The following CCAR1 variants were observed in gnomAD, a reference collection of about 807,000 sequenced individuals.
CCAR1 encodes the protein cell division cycle and apoptosis regulator protein 1.
A neutral mutation model predicts 163.8 loss-of-function variants in CCAR1; 78 were observed. The ratio of observed to expected loss-of-function variants is 0.48; its 90% CI spans 0.40 to 0.57. The LOEUF is 0.57. Among genes scored for constraint, CCAR1 ranks in the 20% least tolerant of loss-of-function variants. The probability of loss-of-function intolerance (pLI) is 0.00; values close to 1 mark genes in which losing one functional copy is unlikely to be tolerated. For synonymous variants in CCAR1, 443 were observed against 460.7 expected (o/e 0.96, Z 0.49); for missense variants, 1,019 against 1,365.2 (o/e 0.75, Z 4.00).
intron 6 of CCAR1, among the ~76,000 whole-genome samples, chr10:68,744,880 C>T (rs2056231694): frequency 6.6e-6 from 1 of 150,860 alleles, no homozygotes; most frequent in South Asian, 2.1e-4. Flanking sequence ...TGCTTTATCA[C>T]CCAGGCTGGA....
chr10:68,755,886 G>A (rs2056392647), intron 13 of CCAR1, among the ~76,000 whole-genome samples: 1 of 152,154 alleles, frequency 6.6e-6, no homozygotes, highest in African/African-American at 2.4e-5. Flanking sequence ...TGATGTAGTT[G>A]CGATTATTTT....
intron 2 of CCAR1, among the ~76,000 whole-genome samples, chr10:68,730,160 T>C (rs2056016174): frequency 6.6e-6 from 1 of 151,874 alleles, no homozygotes; most frequent in Non-Finnish European, 1.5e-5. Context: ...AACCCCCTGA[T>C]CCACCCGTGT....
In CCAR1 at chr10:68,786,141, G is replaced by A. The variant is rs1055574495; in HGVS notation, c.2656G>A (p.Asp886Asn). ...EEAEDEEDDR[D>N]EEEMTKRDDK... ...CTGTTATATTTATTTTACAGATAGGGATGAGGAAGAAATGACCAAACGAGA... is the reference window on the plus strand; with the variant it reads ...CTGTTATATTTATTTTACAGATAGGAATGAGGAAGAAATGACCAAACGAGA... The change falls in exon 20 of 25, where the codon GAT (aspartate) becomes AAT (asparagine). Residue 886 changes from aspartate to asparagine, a missense_variant. Around this residue, in one of 4 missense-constraint regions of CCAR1, gnomAD observed 358 missense variants for 406.4 expected, o/e 0.88. Coordinates refer to ENST00000265872, the MANE Select transcript of CCAR1 (RefSeq NM_018237.4). 3.1e-6 allele frequency: 5 copies of A among 1,608,140 alleles called. No individual in the cohort carries two copies. The highest frequency in any genetic ancestry group is 4.5e-5 in the East Asian group (2 of 44,822).
intron 18 of CCAR1, among the ~76,000 whole-genome samples, chr10:68,771,660 A>G (rs749664416): frequency 2.0e-5 from 3 of 151,994 alleles, no homozygotes; most frequent in Admixed American, 6.6e-5. Context: ...GCACATGCCT[A>G]TAGTCCTAGC....
chr10:68,745,900 G>A (rs2056247380), intron 6 of CCAR1, among the ~76,000 whole-genome samples: 1 of 152,066 alleles, frequency 6.6e-6, no homozygotes, highest in South Asian at 2.1e-4. Flanking sequence ...GATTTTTAAA[G>A]TTATGGCGTT....
Position 68,736,970 on chromosome 10 carries a change from A to C in CCAR1, c.168A>C (p.Gln56His). 6.2e-7 allele frequency: 1 copy of C among 1,614,000 alleles called. No homozygotes were observed. Among genetic ancestry groups the C allele is most frequent in the Non-Finnish European group, 8.5e-7 (1 of 1,179,938 alleles). Residue 56 changes from glutamine (Q) to histidine (H), a missense_variant, in exon 3 of 25, where the codon CAA becomes CAC. Physicochemically the swap from Gln to His is conservative, Grantham distance 24 (BLOSUM62 0). This residue lies in a region of CCAR1 where 644 missense variants were observed against 904.4 expected (regional missense o/e 0.71). Coordinates refer to ENST00000265872, the MANE Select transcript of CCAR1 (RefSeq NM_018237.4). ...TGGCAGCAGCAGGCCTTACCACACA[A>C]ACTCCAGCAAACTATCAGTTAACAC... is the stretch of plus-strand genomic sequence containing the variant. Reference protein sequence around the residue: ...TALAAAGLTTQTPANYQLTQT... With the variant: ...TALAAAGLTTHTPANYQLTQT...
At chr10:68,723,076 T>G (rs986790204) in intron 2 of CCAR1, among the ~76,000 whole-genome samples, 1 of 151,878 alleles carries the variant, frequency 6.6e-6, no homozygotes, top group Admixed American at 6.6e-5. Context: ...GTTTGGACAG[T>G]TTTGTAGTTT....
intron 19 of CCAR1, among the ~76,000 whole-genome samples, chr10:68,776,482 C>G (rs2056668922): frequency 6.6e-6 from 1 of 152,116 alleles, no homozygotes; most frequent in Admixed American, 6.6e-5. Context: ...AGGAGAATCA[C>G]TTGAACCCAG....
chr10:68,740,772 A>G (rs2056172418), intron 5 of CCAR1, 111 bp downstream of exon 5: 2 of 795,448 alleles, frequency 2.5e-6, no homozygotes, highest in African/African-American at 1.7e-5. Flanking sequence ...AGATTCACCT[A>G]ATAATTTAGG....
intron 10 of CCAR1, among the ~76,000 whole-genome samples, chr10:68,752,938 A>AGATAGATT (rs1160471372): frequency 4.4e-4 from 61 of 138,602 alleles, no homozygotes; most frequent in Middle Eastern, 3.6e-3. Flanking sequence ...ATAGATAGAT[A>AGATAGATT]GATTCTGTCT....
At chr10:68,741,253 T>G (rs1211020737) in intron 5 of CCAR1, among the ~76,000 whole-genome samples, 1 of 152,146 alleles carries the variant, frequency 6.6e-6, no homozygotes, top group Non-Finnish European at 1.5e-5. Flanking sequence ...GATTTTTCAT[T>G]GATACTGATT....
intron 24 of CCAR1, among the ~76,000 whole-genome samples, chr10:68,790,335 A>G (rs892591476): frequency 6.6e-6 from 1 of 151,804 alleles, no homozygotes; most frequent in Non-Finnish European, 1.5e-5. Context: ...AGCCTGGGCA[A>G]CAGAACTAGA....
chr10:68,730,943 G>A (rs1048750465), intron 2 of CCAR1, among the ~76,000 whole-genome samples: 4 of 152,018 alleles, frequency 2.6e-5, no homozygotes, highest in Non-Finnish European at 4.4e-5. Flanking sequence ...TCAGCTCACC[G>A]TGGCCTCCCA....
intron 17 of CCAR1, 148 bp from the exon 18 acceptor site, chr10:68,771,058 A>G (rs1464804610): frequency 1.9e-6 from 1 of 523,806 alleles, no homozygotes; most frequent in African/African-American, 2.0e-5. Flanking sequence ...AGCCTGGGCG[A>G]CAGAGCGAGA....
At position 68,758,813 on chromosome 10, in the gene CCAR1, C is replaced by T. The variant is rs186839653; in HGVS notation, c.1920+1436C>T. ...TCAGCCTCCCGAGTAGCTGGGACTACAGGCCTGTGCCACCATGCCTGACTA... is the reference window on the plus strand; with the variant it reads ...TCAGCCTCCCGAGTAGCTGGGACTATAGGCCTGTGCCACCATGCCTGACTA... On this transcript the variant is annotated intron_variant, in intron 15 of 24. Coordinates refer to ENST00000265872, the MANE Select transcript of CCAR1 (RefSeq NM_018237.4). Among the ~76,000 whole-genome samples, 514 of 151,766 alleles carry T rather than the reference C, an allele frequency of 3.4e-3. 5 individuals carry two copies. The highest frequency in any genetic ancestry group is 0.011 in the African/African-American group (472 of 41,330).
In CCAR1 at chr10:68,777,297, C is replaced by T. The variant is rs541131148; in HGVS notation, c.2650+4198C>T. 2.7e-4 allele frequency among the ~76,000 whole-genome samples: 41 copies of T among 152,290 alleles called. No homozygotes were observed. The South Asian group carries it at 7.9e-3, about 29-fold the overall frequency. On this transcript the variant is annotated intron_variant, in intron 19 of 24. Coordinates refer to ENST00000265872, the MANE Select transcript of CCAR1 (RefSeq NM_018237.4). ...ACAATAAAGTTTCTCAATACAATTGCCAGAATGATCTTCGCAAAATTTAGA... is the reference window on the plus strand; with the variant it reads ...ACAATAAAGTTTCTCAATACAATTGTCAGAATGATCTTCGCAAAATTTAGA...
intron 2 of CCAR1, among the ~76,000 whole-genome samples, chr10:68,729,206 A>T (rs2055996410): frequency 6.6e-6 from 1 of 151,866 alleles, no homozygotes; most frequent in African/African-American, 2.4e-5. Flanking sequence ...GTAATAGGTT[A>T]TATTTAAAGT....
At chr10:68,780,090 T>C (rs1262410040) in intron 19 of CCAR1, among the ~76,000 whole-genome samples, 2 of 152,188 alleles carry the variant, frequency 1.3e-5, no homozygotes, top group Non-Finnish European at 2.9e-5. Flanking sequence ...GATGAGACAG[T>C]TTTGAAAGTG....
rs781471798 is a variant in CCAR1, at chr10:68,740,672, ATTAC to A, written c.324+14_324+17del. 1.2e-6 allele frequency: 2 copies of A among 1,602,670 alleles called. No homozygotes were observed. The highest frequency in any genetic ancestry group is 2.2e-5 in the East Asian group (1 of 44,572). On this transcript the variant is annotated intron_variant, in intron 5 of 24. Transcript: ENST00000265872. ...ACCCTCTTAACACAGGTTAGTTGGT[ATTAC>A]TTTATTTGTTTTGGATGTCTGAATG...
Sources: gnomAD v4.1 joint callset for allele counts (sites outside exome capture counted in the v4.1 genomes callset) on GRCh38, gnomAD v4.1.1 for gene constraint, gnomAD v4.1.1 regional missense constraint, MANE v1.5 for transcripts, NCBI Gene and HGNC (gene_info 2026-07-23, HGNC 2026-07-21) for gene names.